Variants in ADGRF5 observed in about 807,000 individuals in gnomAD.
ADGRF5 encodes adhesion G protein-coupled receptor F5.
ADGRF5 carries 75 observed loss-of-function variants against 132.3 expected under a neutral mutation model. The ratio of observed to expected loss-of-function variants is 0.57; its 90% CI spans 0.47 to 0.69. The LOEUF (loss-of-function observed/expected upper bound fraction) is 0.69. ADGRF5 is among the 30% of genes least tolerant of loss of function. The probability of loss-of-function intolerance (pLI) is 0.00; values close to 1 mark genes in which losing one functional copy is unlikely to be tolerated. For synonymous variants in ADGRF5, 629 were observed against 597.6 expected (o/e 1.05, Z -0.77); for missense variants, 1,516 against 1,630.6 (o/e 0.93, Z 1.21).
chr6:46,872,660 C>A (rs1268700361), intron 10 of ADGRF5, among the ~76,000 whole-genome samples: 2 of 152,218 alleles, frequency 1.3e-5, no homozygotes, highest in Admixed American at 1.3e-4. Context: ...CCTTTCCATA[C>A]CTTTCTTTCC....
In ADGRF5 at chr6:46,858,488, G is replaced by C; in HGVS notation, c.3415C>G (p.Pro1139Ala). 1 of 1,613,902 alleles carries C rather than the reference G, an allele frequency of 6.2e-7. No individual in the cohort carries two copies. The highest frequency in any genetic ancestry group is 8.5e-7 in the Non-Finnish European group (1 of 1,179,832). ...AIAFCLGYGCPLAISVITLGA... is the reference protein window; with the variant it reads ...AIAFCLGYGCALAISVITLGA... ...AGCGTGATGACCGAGATGGCAAGTG[G>C]GCAGCCATAGCCAAGACAGAAGGCA... The change falls in exon 17 of 21, where the codon CCA becomes GCA. Residue 1139 changes from proline (P) to alanine (A), a missense_variant. Around this residue, in one of 2 missense-constraint regions of ADGRF5, gnomAD observed 571 missense variants for 701.2 expected, o/e 0.81. Transcript: ENST00000283296.
chr6:46,889,745 A>G (rs1229706779), intron 3 of ADGRF5, among the ~76,000 whole-genome samples: 1 of 142,276 alleles, frequency 7.0e-6, no homozygotes, highest in Non-Finnish European at 1.5e-5. Flanking sequence ...TATATATTAT[A>G]TATAAACACT....
intron 13 of ADGRF5, among the ~76,000 whole-genome samples, chr6:46,866,316 CTT>C (rs62875162): frequency 0.83 from 126,684 of 151,810 alleles, 54,710 homozygotes; most frequent in East Asian, 0.99. Context: ...AGCTTAGTCT[CTT>C]ACTGAATGTG....
intron 3 of ADGRF5, among the ~76,000 whole-genome samples, chr6:46,889,186 C>CATATAT (rs5875989): frequency 5.7e-4 from 81 of 143,072 alleles, no homozygotes; most frequent in African/African-American, 1.8e-3. Context: ...TATGTGTATA[C>CATATAT]ATATATATAT....
intron 5 of ADGRF5, 119 bp from the exon 6 acceptor site, chr6:46,883,784 C>A: frequency 1.6e-6 from 1 of 629,362 alleles, no homozygotes; most frequent in Admixed American, 3.2e-5. Context: ...CTCTGTCTCC[C>A]AGGCTGGAGT....
chr6:46,901,329 A>G (rs1420083113), intron 2 of ADGRF5, among the ~76,000 whole-genome samples: 2 of 152,054 alleles, frequency 1.3e-5, no homozygotes, highest in Non-Finnish European at 2.9e-5. Flanking sequence ...AACTCCTTTC[A>G]CACTCAATAG....
At chr6:46,872,161 G>T in intron 10 of ADGRF5, 148 bp from the exon 11 acceptor site, 1 of 541,940 alleles carries the variant, frequency 1.8e-6, no homozygotes, top group East Asian at 3.0e-5. Context: ...ATGGTGATTA[G>T]GTCTGCAGAC....
At chr6:46,893,058 ATTTTTT>A (rs35014340) in intron 3 of ADGRF5, among the ~76,000 whole-genome samples, 1 of 86,718 alleles carries the variant, frequency 1.2e-5, no homozygotes, top group Non-Finnish European at 2.1e-5. Context: ...GACAACAGGG[ATTTTTT>A]TTTTTTTTTT....
chr6:46,857,283 A>C (rs1465629450), intron 17 of ADGRF5, among the ~76,000 whole-genome samples: 2 of 152,216 alleles, frequency 1.3e-5, no homozygotes, highest in African/African-American at 4.8e-5. Flanking sequence ...AGGTCATTAC[A>C]TATGAACTAC....
At chr6:46,953,678 T>TATATAG (rs1778609002) in intron 1 of ADGRF5, among the ~76,000 whole-genome samples, 1 of 138,566 alleles carries the variant, frequency 7.2e-6, no homozygotes, top group African/African-American at 2.7e-5. Context: ...TATATATATA[T>TATATAG]ATATATATAT....
intron 14 of ADGRF5, among the ~76,000 whole-genome samples, chr6:46,864,259 C>T (rs1770117169): frequency 6.6e-6 from 1 of 152,152 alleles, no homozygotes. Context: ...AAAACATGAA[C>T]TTTCACCTCA....
At chr6:46,919,553 T>A (rs891883203) in intron 1 of ADGRF5, among the ~76,000 whole-genome samples, 2 of 152,218 alleles carry the variant, frequency 1.3e-5, no homozygotes, top group Non-Finnish European at 2.9e-5. Flanking sequence ...TGCCCCCAAG[T>A]ACCCCATAGC....
At chr6:46,877,368 T>C (rs1771922338) in intron 10 of ADGRF5, among the ~76,000 whole-genome samples, 2 of 53,368 alleles carry the variant, frequency 3.7e-5, no homozygotes, top group African/African-American at 1.0e-4. Flanking sequence ...TTTCTTTCTT[T>C]CTTTCTTTCT....
At chr6:46,948,466 G>C (rs1456504299) in intron 1 of ADGRF5, among the ~76,000 whole-genome samples, 1 of 139,964 alleles carries the variant, frequency 7.1e-6, no homozygotes, top group African/African-American at 2.8e-5. Context: ...TCTGATACTT[G>C]CTCTAGTGAG....
rs530209848 is a variant in ADGRF5, at chr6:46,880,803, A to G, written c.814+652T>C. 1.8e-3 allele frequency among the ~76,000 whole-genome samples: 274 copies of G among 152,278 alleles called. 3 individuals are homozygous for G. Among genetic ancestry groups the G allele is most frequent in the African/African-American group, 6.4e-3 (265 of 41,546 alleles). On this transcript the variant is annotated intron_variant, in intron 8 of 20. Transcript: ENST00000283296. ...CTTATCATTTCACAAATAAAAATAA[A>G]AACACAGCCAGGCATGGTGGCTCAT...
chr6:46,914,612 C>T (rs1776267627), intron 1 of ADGRF5, among the ~76,000 whole-genome samples: 2 of 152,032 alleles, frequency 1.3e-5, no homozygotes, highest in Admixed American at 6.6e-5. Context: ...GCGTTGATAA[C>T]CTTTTATCCC....
chr6:46,861,888 T>A (rs1449545325), intron 15 of ADGRF5, among the ~76,000 whole-genome samples: 1 of 152,222 alleles, frequency 6.6e-6, no homozygotes, highest in African/African-American at 2.4e-5. Context: ...TTAGGATAAT[T>A]TATATCTCTC....
rs149797403 is a variant in ADGRF5, at chr6:46,893,433, G to A, written c.158-4928C>T. Among the ~76,000 whole-genome samples, 36 of 152,268 alleles carry A rather than the reference G, an allele frequency of 2.4e-4. No homozygotes were observed. In the East Asian group the frequency reaches 3.1e-3, roughly 13 times the overall value. On this transcript the variant is annotated intron_variant, in intron 3 of 20. Transcript: ENST00000283296. ...CTAAGGAGCAGCTTAGATGCTCAGC[G>A]ATCAGCGTGACCCACATAGCGGTGG... is the stretch of plus-strand genomic sequence containing the variant.
chr6:46,948,270 C>T (rs960769877), intron 1 of ADGRF5, among the ~76,000 whole-genome samples: 1 of 152,128 alleles, frequency 6.6e-6, no homozygotes, highest in Non-Finnish European at 1.5e-5. Context: ...AAGCTCAAAA[C>T]ATGTTAGGAC....
Sources: allele counts gnomAD v4.1 joint callset (sites outside exome capture counted in the v4.1 genomes callset), GRCh38; gene constraint gnomAD v4.1.1; regional missense constraint gnomAD v4.1.1; transcripts MANE v1.5; gene names NCBI Gene and HGNC (gene_info 2026-07-23, HGNC 2026-07-21).